DIAPH1: variants seen among roughly 807,000 people sequenced by gnomAD.
DIAPH1 encodes the protein protein diaphanous homolog 1.
A neutral mutation model predicts 140.7 loss-of-function variants in DIAPH1; 46 were observed. The ratio of observed to expected loss-of-function variants is 0.33; its 90% CI spans 0.26 to 0.42. DIAPH1 has a LOEUF of 0.42. DIAPH1 is among the 10% of genes least tolerant of loss of function. DIAPH1 has a pLI of 1.00. For synonymous variants in DIAPH1, 565 were observed against 551.6 expected (o/e 1.02, Z -0.34); for missense variants, 1,310 against 1,558.7 (o/e 0.84, Z 2.69).
intron 27 of DIAPH1, chr5:141,518,529 CTT>C (rs35159859): frequency 0.01 from 1,426 of 138,282 alleles, 4 homozygotes; most frequent in South Asian, 0.022. Context: ...GATAGCCCGT[CTT>C]TTTTTTTTTT....
chr5:141,545,672 G>A (rs1276834563), intron 18 of DIAPH1, among the ~76,000 whole-genome samples: 2 of 152,146 alleles, frequency 1.3e-5, no homozygotes, highest in African/African-American at 2.4e-5. Context: ...AAAACAGTGT[G>A]AGATGATGAG....
intron 18 of DIAPH1, among the ~76,000 whole-genome samples, chr5:141,552,172 T>C (rs1015233244): frequency 1.3e-5 from 2 of 152,032 alleles, no homozygotes; most frequent in African/African-American, 4.8e-5. Flanking sequence ...AGGCTCAGTA[T>C]AATCACAAGT....
chr5:141,518,826 C>G, intron 27 of DIAPH1: 1 of 1,006,854 alleles, frequency 9.9e-7, no homozygotes, highest in South Asian at 1.4e-5. Flanking sequence ...CCTGCCAAAG[C>G]CCAAGTCTTA....
chr5:141,539,689 T>C (rs1357327832), intron 18 of DIAPH1, among the ~76,000 whole-genome samples: 1 of 152,148 alleles, frequency 6.6e-6, no homozygotes, highest in Non-Finnish European at 1.5e-5. Context: ...GAACTTGCCA[T>C]TTCATCTGGG....
rs1452817777 is a variant in DIAPH1 at position 141,618,024 on chromosome 5, A to G, written c.117+774T>C. On this transcript the variant is annotated intron_variant, in intron 1 of 27. Transcript: ENST00000389054. ...GAACTCGCAGTCCAACTTTCTTCCC[A>G]CAGGAGAGGTTTATCACCATCCTAG... 3.3e-5 allele frequency among the ~76,000 whole-genome samples: 5 copies of G among 152,354 alleles called. No individual in the cohort carries two copies. In the East Asian group the frequency reaches 9.6e-4, roughly 29 times the overall value.
At chr5:141,589,217 A>C (rs939176667) in intron 1 of DIAPH1, 1 of 153,174 alleles carries the variant, frequency 6.5e-6, no homozygotes, top group African/African-American at 2.4e-5. Context: ...AAGAAGGTGA[A>C]GCTGGCTGTC....
intron 1 of DIAPH1, among the ~76,000 whole-genome samples, chr5:141,610,878 C>T (rs2099901723): frequency 6.6e-6 from 1 of 150,740 alleles, no homozygotes; most frequent in Admixed American, 6.6e-5. Flanking sequence ...AGTTCAAGAC[C>T]AGCCTGGGCA....
In DIAPH1 at chr5:141,526,093, C is replaced by T. The variant is rs1241177697; in HGVS notation, c.3519G>A (p.Glu1173=). The stretch of plus-strand genomic sequence containing the variant: ...TCTGCTGCTTCTCTAGCCGCTCCTT[C>T]TCTGCCTTCTCCTTGGCTAGTTTTG... The part of the protein sequence containing the change: ...RRAKLAKEKA[E]KERLEKQQKR... Residue 1173 remains glutamate (E), a synonymous_variant, in exon 26 of 28, where the codon GAG becomes GAA. Transcript: ENST00000389054. The T allele has an allele frequency of 4.3e-6, 7 of 1,614,046 alleles. No individual in the cohort carries two copies. The highest frequency in any genetic ancestry group is 5.9e-6 in the Non-Finnish European group (7 of 1,180,052).
chr5:141,575,191 G>T (rs745503383), intron 14 of DIAPH1, 45 bp from the exon 15 acceptor site: 1 of 1,599,648 alleles, frequency 6.3e-7, no homozygotes, highest in Non-Finnish European at 8.6e-7. Context: ...CTCCATCTCA[G>T]TAAGAAGCAC....
rs1241954431 is a variant in DIAPH1 at position 141,610,548 on chromosome 5, C to A, written c.117+8250G>T. ...TCTCTTCATCTCGTGATCCGCCCACCCTGACCTCCCAAAGTGCTGGGATTA... is the reference window on the plus strand; with the variant it reads ...TCTCTTCATCTCGTGATCCGCCCACACTGACCTCCCAAAGTGCTGGGATTA... On this transcript the variant is annotated intron_variant, in intron 1 of 27. Coordinates refer to ENST00000389054, the MANE Select transcript of DIAPH1 (RefSeq NM_005219.5). 2.3e-4 allele frequency among the ~76,000 whole-genome samples: 35 copies of A among 152,024 alleles called. 1 individual carries two copies. Among genetic ancestry groups the A allele is most frequent in the Non-Finnish European group, 2.9e-5 (2 of 68,010 alleles).
chr5:141,537,483 CAAAAAA>C (rs34323841), intron 18 of DIAPH1, among the ~76,000 whole-genome samples: 5 of 36,950 alleles, frequency 1.4e-4, no homozygotes, highest in Non-Finnish European at 1.7e-4. Flanking sequence ...AACTCCGTCT[CAAAAAA>C]AAAAAAAAAA....
chr5:141,559,879 TTTA>T (rs1162565076), intron 18 of DIAPH1, among the ~76,000 whole-genome samples: 1 of 152,220 alleles, frequency 6.6e-6, no homozygotes, highest in East Asian at 1.9e-4. Flanking sequence ...TAAAAAATGT[TTTA>T]TTATGGGAAA....
At chr5:141,569,248 T>C (rs1238804487) in intron 18 of DIAPH1, among the ~76,000 whole-genome samples, 1 of 152,184 alleles carries the variant, frequency 6.6e-6, no homozygotes, top group Non-Finnish European at 1.5e-5. Context: ...GTCTGAATTC[T>C]GACACTTTTT....
In DIAPH1 at chr5:141,578,232, C is replaced by G; in HGVS notation, c.1156G>C (p.Glu386Gln). The G allele has an allele frequency of 6.2e-7, 1 of 1,612,374 alleles. No homozygotes were observed. Among genetic ancestry groups the G allele is most frequent in the Non-Finnish European group, 8.5e-7 (1 of 1,178,404 alleles). ...TAGTCAGCAAAAGGATATTCCATCT[C>G]CATGCGAATGTCATCCAGCCGTCCC... ...LKGRLDDIRM[E>Q]MDDFNEVFQI... Residue 386 changes from glutamate (E) to glutamine (Q), a missense_variant, in exon 11 of 28, where the codon GAG becomes CAG. Glu to Gln is a conservative substitution (Grantham distance 29). Coordinates refer to ENST00000389054, the MANE Select transcript of DIAPH1 (RefSeq NM_005219.5).
At chr5:141,583,999 C>T in intron 4 of DIAPH1, 125 bp downstream of exon 4, 1 of 694,366 alleles carries the variant, frequency 1.4e-6, no homozygotes, top group South Asian at 1.6e-5. Context: ...AGTGAACAGG[C>T]TTATATAATG....
chr5:141,581,011 T>G, intron 7 of DIAPH1, 128 bp from the exon 8 acceptor site: 1 of 1,017,562 alleles, frequency 9.8e-7, no homozygotes, highest in Non-Finnish European at 1.5e-6. Context: ...CAACCCCCAG[T>G]ACCTCAAAAT....
chr5:141,551,858 C>T (rs1477191522), intron 18 of DIAPH1, among the ~76,000 whole-genome samples: 1 of 152,166 alleles, frequency 6.6e-6, no homozygotes, highest in Non-Finnish European at 1.5e-5. Context: ...CGTGTTCTTT[C>T]AGTGCACACA....
In DIAPH1 at chr5:141,526,578, G is replaced by A. The variant is rs2099887359; in HGVS notation, c.3274-117C>T. On this transcript the variant is annotated intron_variant, in intron 24 of 27. Coordinates refer to ENST00000389054, the MANE Select transcript of DIAPH1 (RefSeq NM_005219.5). ...GCAAAGGGATGTTCAATACAGCACTGTTTATAACAGCAAAAACCAAAGCCA... is the reference window on the plus strand; with the variant it reads ...GCAAAGGGATGTTCAATACAGCACTATTTATAACAGCAAAAACCAAAGCCA... 3 of 1,270,276 alleles carry A rather than the reference G, an allele frequency of 2.4e-6. No homozygotes were observed. In the South Asian group the frequency reaches 3.6e-5, roughly 15 times the overall value. 78.7% of individuals were successfully genotyped at this position (1,270,276 alleles called of 1,614,324 possible). A position where few individuals can be genotyped will look rare whatever the true frequency, so the allele number is the denominator to read the frequency against.
chr5:141,577,472 T>C lies in DIAPH1; in HGVS notation c.1280+3A>G, dbSNP rs747583916. On this transcript the variant is annotated splice_donor_region_variant and intron_variant, in intron 12 of 27. Transcript: ENST00000389054. ...AAAACTTCTCATAAGCACAGCATCTTACCTGGCCTCATAGTCATTTCGGAC... is the reference window on the plus strand; with the variant it reads ...AAAACTTCTCATAAGCACAGCATCTCACCTGGCCTCATAGTCATTTCGGAC... 1.9e-6 allele frequency: 3 copies of C among 1,599,262 alleles called. No individual in the cohort carries two copies. The highest frequency in any genetic ancestry group is 2.6e-6 in the Non-Finnish European group (3 of 1,166,572).
Sources: gnomAD v4.1 joint callset for allele counts (sites outside exome capture counted in the v4.1 genomes callset) on GRCh38, gnomAD v4.1.1 for gene constraint, MANE v1.5 for transcripts, NCBI Gene and HGNC (gene_info 2026-07-23, HGNC 2026-07-21) for gene names.